GTF3C1: variants seen among roughly 807,000 people sequenced by gnomAD.
The protein encoded by GTF3C1 is general transcription factor 3C polypeptide 1.
GTF3C1 carries 57 observed loss-of-function variants against 226.7 expected under a neutral mutation model. The ratio of observed to expected loss-of-function variants is 0.25; its 90% confidence interval spans 0.20 to 0.31. The LOEUF is 0.31. Among genes scored for constraint, GTF3C1 ranks in the 10% least tolerant of loss-of-function variants. The pLI is 1.00. For synonymous variants in GTF3C1, 1,090 were observed against 1,084.8 expected (o/e 1.00, Z -0.09); for missense variants, 2,217 against 2,776.1 (o/e 0.80, Z 4.53).
intron 5 of GTF3C1, among the ~76,000 whole-genome samples, chr16:27,532,737 C>T (rs2088938102): frequency 6.6e-6 from 1 of 152,286 alleles, no homozygotes; most frequent in South Asian, 2.1e-4. Flanking sequence ...GCCGCATTTT[C>T]CTATTCCGTC....
intron 6 of GTF3C1, among the ~76,000 whole-genome samples, chr16:27,513,748 A>G (rs992083182): frequency 6.6e-6 from 1 of 152,362 alleles, no homozygotes. Flanking sequence ...AATTTGTTAC[A>G]GTAGTCATAA....
Position 27,549,726 on chromosome 16 carries a change from C to A in GTF3C1, c.165G>T (p.Pro55=), listed in dbSNP as rs1399516145. Residue 55 remains proline, a synonymous_variant, in exon 1 of 37, where the codon CCG becomes CCT. Transcript: ENST00000356183. ...EFLWRALATH[P]GISFYEEPRE... ...GAGGCTCCTCATAGAAGCTGATGCC[C>A]GGGTGCGTGGCGAGGGCCCGCCAGA... is the stretch of plus-strand genomic sequence containing the variant. The A allele has an allele frequency of 6.2e-7, 1 of 1,610,938 alleles. No homozygotes were observed. The highest frequency in any genetic ancestry group is 8.5e-7 in the Non-Finnish European group (1 of 1,179,390).
At chr16:27,516,884 T>C (rs2088667022) in intron 6 of GTF3C1, among the ~76,000 whole-genome samples, 4 of 152,170 alleles carry the variant, frequency 2.6e-5, no homozygotes. Flanking sequence ...ATTCTTACCC[T>C]GGCCTCCCAA....
chr16:27,472,960 A>G (rs2087897561), intron 29 of GTF3C1, among the ~76,000 whole-genome samples: 2 of 152,190 alleles, frequency 1.3e-5, no homozygotes, highest in Admixed American at 6.5e-5. Flanking sequence ...TCTGTTGCCC[A>G]GGCTGGAGTA....
At chr16:27,534,512 C>T (rs939184493) in intron 4 of GTF3C1, among the ~76,000 whole-genome samples, 3 of 152,188 alleles carry the variant, frequency 2.0e-5, no homozygotes, top group South Asian at 2.1e-4. Context: ...GCATATGAGC[C>T]ACTCTGCATA....
rs1359738336 is a variant in GTF3C1, at chr16:27,518,875, G to T, written c.974-6974C>A. On this transcript the variant is annotated intron_variant, in intron 6 of 36. Coordinates refer to ENST00000356183, the MANE Select transcript of GTF3C1 (RefSeq NM_001520.4). ...AATTCTAACAGCATGCCTAGAATAA[G>T]CTGGTAGTAAGGACTAAATTAATGA... Among the ~76,000 whole-genome samples the T allele has an allele frequency of 2.0e-5, 3 of 152,324 alleles. No individual in the cohort carries two copies. The East Asian group carries it at 5.8e-4, about 29-fold the overall frequency.
intron 6 of GTF3C1, among the ~76,000 whole-genome samples, chr16:27,522,692 A>T (rs1233343583): frequency 6.6e-6 from 1 of 152,190 alleles, no homozygotes; most frequent in African/African-American, 2.4e-5. Context: ...TCGTCTGGGG[A>T]GTATCACCTT....
In GTF3C1 at chr16:27,483,310, C is replaced by T. The variant is rs1053868914; in HGVS notation, c.4002-185G>A. 1.5e-5 allele frequency: 10 copies of T among 684,450 alleles called. No individual in the cohort carries two copies. The African/African-American group carries it at 1.8e-4, about 12-fold the overall frequency. 42.4% of individuals were successfully genotyped at this position (684,450 alleles called of 1,614,324 possible). ...ATTTGGGGTCAGCCAAGCCTGACCT[C>T]AGTCAGGTCTGTTCACACTTTACAC... On this transcript the variant is annotated intron_variant, in intron 25 of 36. Coordinates refer to ENST00000356183, the MANE Select transcript of GTF3C1 (RefSeq NM_001520.4).
chr16:27,469,634 G>A lies in GTF3C1; in HGVS notation c.4815-84C>T. On this transcript the variant is annotated intron_variant, in intron 31 of 36. Coordinates refer to ENST00000356183, the MANE Select transcript of GTF3C1 (RefSeq NM_001520.4). The surrounding 1 kb of genome is among the most constrained non-coding windows in gnomAD (Gnocchi z 4.5). ...CTCTCCCCTCCCTCAAGAGGCCTCT[G>A]TGGCTGGGCTTCAGCAGTGGCCCCA... 6.8e-7 allele frequency: 1 copy of A among 1,480,038 alleles called. No individual in the cohort carries two copies. Among genetic ancestry groups the A allele is most frequent in the Non-Finnish European group, 9.2e-7 (1 of 1,082,692 alleles). The allele number at this position is 1,480,038 out of a possible 1,614,324, so 91.7% of individuals were successfully genotyped here. A position where few individuals can be genotyped will look rare whatever the true frequency, so the allele number is the denominator to read the frequency against.
rs2088512705 is a variant in GTF3C1 at position 27,507,962 on chromosome 16, A to T, written c.1242+578T>A. 6.6e-6 allele frequency among the ~76,000 whole-genome samples: 1 copy of T among 152,214 alleles called. No homozygotes were observed. The highest frequency in any genetic ancestry group is 2.4e-5 in the African/African-American group (1 of 41,452). Reference sequence around the variant, plus strand: ...GACAGAGAGTGGCCAGCCCCAGCTGACTGTCCCCATGTGGGAGTAGGCTCC... The same window carrying T: ...GACAGAGAGTGGCCAGCCCCAGCTGTCTGTCCCCATGTGGGAGTAGGCTCC... On this transcript the variant is annotated intron_variant, in intron 8 of 36. Coordinates refer to ENST00000356183, the MANE Select transcript of GTF3C1 (RefSeq NM_001520.4). The surrounding 1 kb of genome is among the most constrained non-coding windows in gnomAD (Gnocchi z 4.9).
chr16:27,549,892 G>C lies in GTF3C1; in HGVS notation c.-2C>G, dbSNP rs367694234. ...CAACAACGACTCCAGCGCGTCCATT[G>C]CTACTTCAGTCGGCGGCGCCCGGGG... On this transcript the variant is annotated 5_prime_UTR_variant, in exon 1 of 37. Transcript: ENST00000356183. 8 of 1,607,988 alleles carry C rather than the reference G, an allele frequency of 5.0e-6. No individual in the cohort carries two copies. The Admixed American group carries it at 1.0e-4, about 20-fold the overall frequency.
Position 27,462,196 on chromosome 16 carries a change from G to A in GTF3C1, c.6117+98C>T. On this transcript the variant is annotated intron_variant, in intron 36 of 36. Transcript: ENST00000356183. The surrounding 1 kb of genome is among the most constrained non-coding windows in gnomAD (Gnocchi z 4.5). Reference sequence around the variant, plus strand: ...GGAGGAGGTGCAGGCAAGCAGTATGGTGGTACTGCATGTTGCCTGGGGCCT... The same window carrying A: ...GGAGGAGGTGCAGGCAAGCAGTATGATGGTACTGCATGTTGCCTGGGGCCT... 2 of 792,214 alleles carry A rather than the reference G, an allele frequency of 2.5e-6. No individual in the cohort carries two copies. Among genetic ancestry groups the A allele is most frequent in the South Asian group, 3.3e-5 (2 of 60,504 alleles). The allele number at this position is 792,214 out of a possible 1,614,324, so 49.1% of individuals were successfully genotyped here.
intron 5 of GTF3C1, among the ~76,000 whole-genome samples, chr16:27,531,893 C>G (rs182085771): frequency 6.6e-6 from 1 of 152,196 alleles, no homozygotes; most frequent in Non-Finnish European, 1.5e-5. Context: ...CTCCATCTAT[C>G]TTTGATTTTC....
chr16:27,537,432 C>T (rs2089018113), intron 4 of GTF3C1, among the ~76,000 whole-genome samples: 1 of 152,122 alleles, frequency 6.6e-6, no homozygotes, highest in Non-Finnish European at 1.5e-5. Context: ...TTTTAAGAGA[C>T]AGGGTCTCAC....
Position 27,486,138 on chromosome 16 carries a change from T to G in GTF3C1, c.3717A>C (p.Glu1239Asp), listed in dbSNP as rs1219218608. 1.2e-6 allele frequency: 2 copies of G among 1,604,440 alleles called. No individual in the cohort carries two copies. The highest frequency in any genetic ancestry group is 3.4e-5 in the Admixed American group (2 of 59,656). Residue 1239 changes from glutamate to aspartate, a missense_variant, in exon 24 of 37, where the codon GAA (glutamate) becomes GAC (aspartate). Transcript: ENST00000356183. ...CATGGTAGCGCAGCCTTTTGCTTTT[T>G]TCTCCTGGGAACTCTCCTAAAAACA... ...KRKKKGEFPG[E>D]KSKRLRYHDE...
At chr16:27,493,930 G>C (rs1051223534) in intron 16 of GTF3C1, among the ~76,000 whole-genome samples, 1 of 148,382 alleles carries the variant, frequency 6.7e-6, no homozygotes, top group African/African-American at 2.4e-5. Context: ...TTTCAATTCA[G>C]CTTTTTTTTT....
intron 6 of GTF3C1, among the ~76,000 whole-genome samples, chr16:27,518,070 C>T (rs868608914): frequency 6.6e-6 from 1 of 152,174 alleles, no homozygotes; most frequent in African/African-American, 2.4e-5. Flanking sequence ...AAGTTGGGAA[C>T]AAACGAACCC....
chr16:27,517,850 T>C (rs2088683909), intron 6 of GTF3C1, among the ~76,000 whole-genome samples: 1 of 152,232 alleles, frequency 6.6e-6, no homozygotes, highest in Non-Finnish European at 1.5e-5. Flanking sequence ...AGAGTGGTCA[T>C]GTGATCTAAC....
At chr16:27,529,029 T>C (rs556964245) in intron 5 of GTF3C1, among the ~76,000 whole-genome samples, 1 of 152,262 alleles carries the variant, frequency 6.6e-6, no homozygotes, top group African/African-American at 2.4e-5. Context: ...ATCTGATACC[T>C]TTTCATGTTG....
Sources: gnomAD v4.1 joint callset for allele counts (sites outside exome capture counted in the v4.1 genomes callset) on GRCh38, gnomAD v4.1.1 for gene constraint, Gnocchi (gnomAD v3.1) non-coding constraint, MANE v1.5 for transcripts, NCBI Gene and HGNC (gene_info 2026-07-23, HGNC 2026-07-21) for gene names.